FGGY: variants seen among roughly 807,000 people sequenced by gnomAD.
FGGY encodes the protein FGGY carbohydrate kinase domain-containing protein.
Under a neutral mutation model 71.3 loss-of-function variants are expected in FGGY, and 72 were observed. The ratio of observed to expected loss-of-function variants is 1.01; its 90% CI spans 0.84 to 1.23. The LOEUF (loss-of-function observed/expected upper bound fraction) is 1.23. Among genes scored for constraint, FGGY ranks in the 50% most tolerant of loss-of-function variants. FGGY has a pLI of 0.00. For synonymous variants in FGGY, 251 were observed against 250.3 expected (o/e 1.00, Z -0.02); for missense variants, 668 against 682.3 (o/e 0.98, Z 0.23).
chr1:59,607,958 G>T, intron 9 of FGGY, 48 bp downstream of exon 9: 3 of 1,482,992 alleles, frequency 2.0e-6, no homozygotes, highest in Non-Finnish European at 2.8e-6. Flanking sequence ...TTATGTCATT[G>T]ATTAGTCCAT....
chr1:59,759,145 C>T lies in FGGY; in HGVS notation c.1574+1153C>T, dbSNP rs184032286. 3.3e-3 allele frequency among the ~76,000 whole-genome samples: 503 copies of T among 152,284 alleles called. 3 individuals carry two copies. Among genetic ancestry groups the T allele is most frequent in the Non-Finnish European group, 5.2e-3 (357 of 68,026 alleles). ...AGTATTCGAGGTTAAGACCTAAAAG[C>T]AAATTCCACTTAACATGATGAACAG... On this transcript the variant is annotated intron_variant, in intron 15 of 15. Coordinates refer to ENST00000303721, the MANE Select transcript of FGGY (RefSeq NM_018291.5).
chr1:59,423,673 A>G (rs1222194987), intron 5 of FGGY, among the ~76,000 whole-genome samples: 1 of 152,150 alleles, frequency 6.6e-6, no homozygotes, highest in African/African-American at 2.4e-5. Flanking sequence ...ATAGCACTGA[A>G]TACCCTTCCT....
At chr1:59,548,293 A>T (rs1227114131) in intron 7 of FGGY, among the ~76,000 whole-genome samples, 1 of 152,244 alleles carries the variant, frequency 6.6e-6, no homozygotes, top group Non-Finnish European at 1.5e-5. Context: ...CCACCAAATC[A>T]CATTCAGGAA....
intron 11 of FGGY, among the ~76,000 whole-genome samples, chr1:59,658,059 C>G (rs966565990): frequency 6.6e-6 from 1 of 152,148 alleles, no homozygotes; most frequent in Non-Finnish European, 1.5e-5. Context: ...GTTCATAGTT[C>G]ACAGTGCTGA....
intron 14 of FGGY, among the ~76,000 whole-genome samples, chr1:59,708,980 C>A (rs2154025381): frequency 1.3e-5 from 2 of 152,332 alleles, no homozygotes; most frequent in East Asian, 3.9e-4. Context: ...GATAAGGGCT[C>A]AACCTTTTAA....
In FGGY at chr1:59,588,968, T is replaced by C. The variant is rs1451617501; in HGVS notation, c.904-18835T>C. On this transcript the variant is annotated intron_variant, in intron 8 of 15. Coordinates refer to ENST00000303721, the MANE Select transcript of FGGY (RefSeq NM_018291.5). ...TAACTTTAAATGTAAATGGACTAAA[T>C]GCTCCAATTAAAAGACACAGTCTGG... is the stretch of plus-strand genomic sequence containing the variant. 5.9e-5 allele frequency among the ~76,000 whole-genome samples: 9 copies of C among 152,322 alleles called. No homozygotes were observed. The East Asian group carries it at 1.7e-3, about 29-fold the overall frequency.
intron 6 of FGGY, among the ~76,000 whole-genome samples, chr1:59,458,780 A>C (rs904805435): frequency 2.6e-5 from 4 of 152,162 alleles, no homozygotes; most frequent in Non-Finnish European, 4.4e-5. Context: ...TAATTGTGTG[A>C]TGTTTCCTTT....
intron 14 of FGGY, among the ~76,000 whole-genome samples, chr1:59,734,850 G>A (rs1470222132): frequency 6.6e-6 from 1 of 152,184 alleles, no homozygotes; most frequent in African/African-American, 2.4e-5. Flanking sequence ...AGCAGAGAAG[G>A]CCTGGGGGCC....
In FGGY at chr1:59,313,564, T is replaced by C. The variant is rs560235338; in HGVS notation, c.-14-7972T>C. Among the ~76,000 whole-genome samples the C allele has an allele frequency of 1.3e-3, 201 of 152,074 alleles. 1 individual carries two copies. The highest frequency in any genetic ancestry group is 4.7e-3 in the African/African-American group (194 of 41,452). ...AAGTGGGTAAAGAAACTGTGATATA[T>C]GTATCACACACACACACACGCACGC... On this transcript the variant is annotated intron_variant, in intron 1 of 15. Coordinates refer to ENST00000303721, the MANE Select transcript of FGGY (RefSeq NM_018291.5).
At chr1:59,528,964 C>T (rs990523634) in intron 7 of FGGY, among the ~76,000 whole-genome samples, 1 of 152,218 alleles carries the variant, frequency 6.6e-6, no homozygotes, top group African/African-American at 2.4e-5. Flanking sequence ...AACATGCAGA[C>T]AATAACTATT....
intron 5 of FGGY, among the ~76,000 whole-genome samples, chr1:59,426,873 A>AT (rs2066467267): frequency 6.6e-6 from 1 of 150,412 alleles, no homozygotes; most frequent in Admixed American, 6.6e-5. Flanking sequence ...AAAAAAAAAA[A>AT]CTGGTTGCCT....
intron 14 of FGGY, among the ~76,000 whole-genome samples, chr1:59,742,957 A>G (rs184726019): frequency 6.6e-6 from 1 of 152,180 alleles, no homozygotes; most frequent in Non-Finnish European, 1.5e-5. Context: ...TCTCTACAAA[A>G]CTACCAGAGT....
intron 5 of FGGY, among the ~76,000 whole-genome samples, chr1:59,443,044 T>A (rs12076674): frequency 0.14 from 20,751 of 152,120 alleles, 1,514 homozygotes; most frequent in Non-Finnish European, 0.15. Flanking sequence ...TTTCAGTACT[T>A]CTTAGAGTTG....
intron 10 of FGGY, among the ~76,000 whole-genome samples, chr1:59,628,844 A>G (rs2096882777): frequency 6.6e-6 from 1 of 152,116 alleles, no homozygotes; most frequent in South Asian, 2.1e-4. Context: ...TCGCTTATTC[A>G]CTTTCTGTTT....
Position 59,510,854 on chromosome 1 carries a change from T to A in FGGY, c.671-1457T>A, listed in dbSNP as rs1379926255. ...TTGGAAATACTTGATTTAGATTTCT[T>A]AAATTAATCTAGAAAAAGTAGATTC... On this transcript the variant is annotated intron_variant, in intron 6 of 15. Transcript: ENST00000303721. Among the ~76,000 whole-genome samples the A allele has an allele frequency of 2.0e-5, 3 of 152,232 alleles. No individual in the cohort carries two copies. The East Asian group carries it at 5.8e-4, about 29-fold the overall frequency.
intron 5 of FGGY, among the ~76,000 whole-genome samples, chr1:59,447,002 A>G (rs1206499714): frequency 1.3e-5 from 2 of 152,178 alleles, no homozygotes; most frequent in African/African-American, 4.8e-5. Flanking sequence ...GCAGGAGAAT[A>G]AAAAGTTCTT....
intron 5 of FGGY, among the ~76,000 whole-genome samples, chr1:59,438,939 G>T (rs983259419): frequency 2.0e-5 from 3 of 151,946 alleles, no homozygotes; most frequent in African/African-American, 4.8e-5. Context: ...AAATATACAC[G>T]GTTCTGCATC....
chr1:59,328,238 A>T (rs539670418), intron 2 of FGGY, among the ~76,000 whole-genome samples: 131 of 152,318 alleles, frequency 8.6e-4, no homozygotes, highest in African/African-American at 3.0e-3. Context: ...TTTAGTGTAG[A>T]CACCTTCATT....
At chr1:59,537,443 A>G (rs944986268) in intron 7 of FGGY, among the ~76,000 whole-genome samples, 5 of 152,200 alleles carry the variant, frequency 3.3e-5, no homozygotes, top group Admixed American at 6.5e-5. Flanking sequence ...TACAGATTCA[A>G]TGCCATCCCC....
Sources: gnomAD v4.1 joint callset for allele counts (sites outside exome capture counted in the v4.1 genomes callset) on GRCh38, gnomAD v4.1.1 for gene constraint, MANE v1.5 for transcripts, NCBI Gene and HGNC (gene_info 2026-07-23, HGNC 2026-07-21) for gene names.